The following BMP7 variants were observed in gnomAD, a reference collection of about 807,000 sequenced individuals.
BMP7 encodes the protein bone morphogenetic protein 7, also known as osteogenic protein 1.
A neutral mutation model predicts 41.2 loss-of-function variants in BMP7; 12 were observed. That is an observed-to-expected ratio of 0.29 (90% CI 0.19 to 0.47). The LOEUF (loss-of-function observed/expected upper bound fraction) is 0.47, where lower values mean the gene tolerates loss of function less well. Ranked by LOEUF, BMP7 falls within the 20% of genes least tolerant of loss-of-function variation. BMP7 has a pLI of 0.99. For synonymous variants in BMP7, 248 were observed against 250.0 expected (o/e 0.99, Z 0.07); for missense variants, 467 against 606.0 (o/e 0.77, Z 2.41).
At chr20:57,200,709 C>T (rs1418334168) in intron 3 of BMP7, among the ~76,000 whole-genome samples, 27 of 152,144 alleles carry the variant, frequency 1.8e-4, no homozygotes, top group Admixed American at 1.8e-3. Context: ...GCAGGAGAAT[C>T]GCTTGAACCT....
At chr20:57,204,463 G>T (rs1984689657) in intron 2 of BMP7, among the ~76,000 whole-genome samples, 1 of 152,250 alleles carries the variant, frequency 6.6e-6, no homozygotes, top group African/African-American at 2.4e-5. Flanking sequence ...ATGTTAGCAA[G>T]TATTGGGAGA....
In BMP7 at chr20:57,248,845, C is replaced by T. The variant is rs543245805; in HGVS notation, c.418+16860G>A. ...ACAGAGTCTCACTCTGTCCCCCAGG[C>T]TGGAGTGCAGTGGTGTGATCTCGGC... On this transcript the variant is annotated intron_variant, in intron 1 of 6. Coordinates refer to ENST00000395863, the MANE Select transcript of BMP7 (RefSeq NM_001719.3). 2.0e-5 allele frequency among the ~76,000 whole-genome samples: 3 copies of T among 152,084 alleles called. No individual in the cohort carries two copies. In the South Asian group the frequency reaches 6.2e-4, roughly 31 times the overall value.
At chr20:57,240,707 C>T (rs1281199114) in intron 1 of BMP7, among the ~76,000 whole-genome samples, 1 of 152,184 alleles carries the variant, frequency 6.6e-6, no homozygotes, top group Non-Finnish European at 1.5e-5. Context: ...AAAGGCACTT[C>T]TTACATGACA....
chr20:57,184,391 G>A (rs1300368510), intron 3 of BMP7, among the ~76,000 whole-genome samples: 4 of 152,174 alleles, frequency 2.6e-5, no homozygotes, highest in African/African-American at 9.7e-5. Flanking sequence ...AGTGAGTGAG[G>A]GGGCCCAATG....
At chr20:57,178,747 T>C (rs1426957825) in intron 4 of BMP7, among the ~76,000 whole-genome samples, 1 of 152,008 alleles carries the variant, frequency 6.6e-6, no homozygotes, top group Non-Finnish European at 1.5e-5. Context: ...TCCCCTCAGC[T>C]CAGGGATGTG....
chr20:57,265,649 C>T (rs2066173731), intron 1 of BMP7, 56 bp downstream of exon 1: 1 of 1,556,814 alleles, frequency 6.4e-7, no homozygotes, highest in Non-Finnish European at 8.7e-7. Context: ...CTCCCTCCCT[C>T]CCAGTCTCAA....
chr20:57,218,175 G>A (rs563872837), intron 2 of BMP7, among the ~76,000 whole-genome samples: 1 of 152,194 alleles, frequency 6.6e-6, no homozygotes. Context: ...ATACATTTTT[G>A]ACACATTTTC....
At chr20:57,239,922 C>T (rs916926961) in intron 1 of BMP7, among the ~76,000 whole-genome samples, 14 of 152,178 alleles carry the variant, frequency 9.2e-5, no homozygotes, top group Non-Finnish European at 1.8e-4. Flanking sequence ...CCCATGAAAC[C>T]ACTTTTTCCT....
In BMP7 at chr20:57,207,811, G is replaced by GTT. The variant is rs572613876; in HGVS notation, c.612-5190_612-5189dup. On this transcript the variant is annotated intron_variant, in intron 2 of 6. Coordinates refer to ENST00000395863, the MANE Select transcript of BMP7 (RefSeq NM_001719.3). ...CTTTCCCATCCCCATACCCCAGTTG[G>GTT]TTTTTTTTTTTTTTTTTTTTTTTTT... is the stretch of plus-strand genomic sequence containing the variant. 9.0e-4 allele frequency among the ~76,000 whole-genome samples: 99 copies of GTT among 109,978 alleles called. 2 individuals are homozygous for GTT. The highest frequency in any genetic ancestry group is 2.3e-3 in the East Asian group (9 of 3,976). The allele number at this position is 109,978 out of a possible 152,430, so 72.1% of individuals were successfully genotyped here.
chr20:57,211,704 G>A (rs1478930680), intron 2 of BMP7, among the ~76,000 whole-genome samples: 3 of 152,166 alleles, frequency 2.0e-5, no homozygotes, highest in African/African-American at 4.8e-5. Flanking sequence ...CTGTGACAGC[G>A]AAAGCAGGGG....
Position 57,224,903 on chromosome 20 carries a change from G to C in BMP7, c.611+3326C>G, listed in dbSNP as rs1459794903. 1 of 152,296 alleles carries C rather than the reference G, an allele frequency of 6.6e-6. No individual in the cohort carries two copies. The highest frequency in any genetic ancestry group is 2.4e-5 in the African/African-American group (1 of 41,474). The allele number at this position is 152,296 out of a possible 1,614,324, so 9.4% of individuals were successfully genotyped here. A position where few individuals can be genotyped will look rare whatever the true frequency, so the allele number is the denominator to read the frequency against. ...ATTATCGGAATTTAATCTGGATTCC[G>C]AGAGATCAAGAGGAGTCAGTGGAAA... On this transcript the variant is annotated intron_variant, in intron 2 of 6. Transcript: ENST00000395863. The surrounding 1 kb of genome is among the most constrained non-coding windows in gnomAD (Gnocchi z 4.8).
intron 1 of BMP7, among the ~76,000 whole-genome samples, chr20:57,240,364 C>G (rs544437813): frequency 5.9e-5 from 9 of 152,318 alleles, no homozygotes; most frequent in South Asian, 2.1e-4. Context: ...TATCTGAGAC[C>G]ACTTCAGCCT....
chr20:57,216,549 C>T (rs535675570), intron 2 of BMP7, among the ~76,000 whole-genome samples: 30 of 142,870 alleles, frequency 2.1e-4, no homozygotes, highest in Non-Finnish European at 3.0e-4. Context: ...CTCCTGAGGG[C>T]GAGGGGCTGT....
At chr20:57,230,653 G>A (rs1200981289) in intron 1 of BMP7, among the ~76,000 whole-genome samples, 2 of 148,958 alleles carry the variant, frequency 1.3e-5, no homozygotes, top group African/African-American at 4.9e-5. Flanking sequence ...AGCTCAACAA[G>A]GGCCGTTCCT....
chr20:57,259,272 G>A lies in BMP7; in HGVS notation c.418+6433C>T, dbSNP rs1292595541. On this transcript the variant is annotated intron_variant, in intron 1 of 6. Coordinates refer to ENST00000395863, the MANE Select transcript of BMP7 (RefSeq NM_001719.3). The surrounding 1 kb of genome is among the most constrained non-coding windows in gnomAD (Gnocchi z 4.7). The stretch of plus-strand genomic sequence containing the variant: ...AAGTGTCAGGAGACTTGGCCAGGCA[G>A]CCCCAAGCATCAGCGAGGGCTGGAA... 6.6e-6 allele frequency among the ~76,000 whole-genome samples: 1 copy of A among 152,058 alleles called. No homozygotes were observed. The highest frequency in any genetic ancestry group is 1.5e-5 in the Non-Finnish European group (1 of 68,028).
At chr20:57,247,684 C>T (rs1048194871) in intron 1 of BMP7, among the ~76,000 whole-genome samples, 1 of 152,122 alleles carries the variant, frequency 6.6e-6, no homozygotes, top group African/African-American at 2.4e-5. Flanking sequence ...GGCAGGCAGG[C>T]GTTTCTTTCA....
At chr20:57,250,947 C>T (rs1375856957) in intron 1 of BMP7, among the ~76,000 whole-genome samples, 1 of 152,260 alleles carries the variant, frequency 6.6e-6, no homozygotes, top group Non-Finnish European at 1.5e-5. Context: ...AGAAGGCCAG[C>T]TGCCCTGATC....
chr20:57,250,817 T>A (rs2066109552), intron 1 of BMP7, among the ~76,000 whole-genome samples: 1 of 152,190 alleles, frequency 6.6e-6, no homozygotes, highest in Admixed American at 6.5e-5. Context: ...CAGATCTTAA[T>A]CAGCAGGAGG....
intron 1 of BMP7, among the ~76,000 whole-genome samples, chr20:57,237,101 T>G (rs2066050840): frequency 6.6e-6 from 1 of 152,198 alleles, no homozygotes; most frequent in Non-Finnish European, 1.5e-5. Context: ...AAGTCCAGCA[T>G]TAGAATTCCA....
Sources: gnomAD v4.1 joint callset for allele counts (sites outside exome capture counted in the v4.1 genomes callset) on GRCh38, gnomAD v4.1.1 for gene constraint, Gnocchi (gnomAD v3.1) non-coding constraint, MANE v1.5 for transcripts, NCBI Gene and HGNC (gene_info 2026-07-23, HGNC 2026-07-21) for gene names.